The following NLN variants were observed in gnomAD, a reference collection of about 807,000 sequenced individuals.
The protein encoded by NLN is neurolysin, mitochondrial.
A neutral mutation model predicts 79.9 loss-of-function variants in NLN; 64 were observed. That is an observed-to-expected ratio of 0.80 (90% CI 0.65 to 0.99). The LOEUF (loss-of-function observed/expected upper bound fraction) is 0.99. Among genes scored for constraint, NLN ranks in the 50% least tolerant of loss-of-function variants. The probability of loss-of-function intolerance (pLI) is 0.00; values close to 1 mark genes in which losing one functional copy is unlikely to be tolerated. For missense variants in NLN, 835 were observed against 858.7 expected, an observed-to-expected ratio of 0.97 and a Z score of 0.34; for synonymous variants, 267 against 296.6, an observed-to-expected ratio of 0.90 and a Z score of 1.02.
intron 6 of NLN, 118 bp downstream of exon 6, chr5:65,781,539 T>C: frequency 1.4e-6 from 1 of 733,280 alleles, no homozygotes; most frequent in Middle Eastern, 3.9e-4. Context: ...GTGCACTGTA[T>C]CTCTAATTCC....
chr5:65,822,468 A>G (rs1020785010), intron 12 of NLN, among the ~76,000 whole-genome samples: 6 of 152,220 alleles, frequency 3.9e-5, no homozygotes, highest in African/African-American at 1.4e-4. Flanking sequence ...AGCATAGCAA[A>G]TAGGAACCTG....
chr5:65,726,111 CAAAA>C (rs60073030), intron 1 of NLN, among the ~76,000 whole-genome samples: 53 of 120,976 alleles, frequency 4.4e-4, no homozygotes, highest in South Asian at 5.6e-4. Flanking sequence ...GACTCCGTCT[CAAAA>C]AAAAAAAAAA....
In NLN at chr5:65,788,501, T is replaced by A; in HGVS notation, c.1325+17T>A. The stretch of plus-strand genomic sequence containing the variant: ...CTATCCAAGGTACTGAGGATCACGT[T>A]GTTGGAAGGGACCTTAGGGATTCAG... On this transcript the variant is annotated intron_variant, in intron 8 of 12. Transcript: ENST00000380985. The A allele has an allele frequency of 6.2e-7, 1 of 1,605,246 alleles. No individual in the cohort carries two copies. The highest frequency in any genetic ancestry group is 1.1e-5 in the South Asian group (1 of 90,138).
chr5:65,782,348 AGACTTAC>A (rs1324022278), intron 6 of NLN, among the ~76,000 whole-genome samples: 1 of 152,214 alleles, frequency 6.6e-6, no homozygotes, highest in Non-Finnish European at 1.5e-5. Flanking sequence ...TTTGTAGGCC[AGACTTAC>A]GATATCTTTG....
intron 9 of NLN, chr5:65,793,742 A>T (rs1760114480): frequency 1.3e-5 from 2 of 152,212 alleles, no homozygotes; most frequent in Admixed American, 1.3e-4. Context: ...AAAAAACAAC[A>T]ACAACAAAAA....
chr5:65,780,950 G>A (rs1003546426), intron 5 of NLN, among the ~76,000 whole-genome samples: 4 of 152,092 alleles, frequency 2.6e-5, no homozygotes, highest in African/African-American at 7.2e-5. Context: ...GGGATTACAC[G>A]CATGAGCCAC....
intron 3 of NLN, 152 bp downstream of exon 3, chr5:65,763,260 G>C: frequency 1.5e-6 from 1 of 645,496 alleles, no homozygotes; most frequent in Non-Finnish European, 2.6e-6. Flanking sequence ...ATTACATAAT[G>C]TTAATTATAT....
At chr5:65,766,018 C>A (rs989824551) in intron 3 of NLN, among the ~76,000 whole-genome samples, 2 of 152,170 alleles carry the variant, frequency 1.3e-5, no homozygotes, top group African/African-American at 4.8e-5. Context: ...TACCCCAAAC[C>A]TTAGTGGCCT....
At chr5:65,812,854 T>C (rs1385018965) in intron 12 of NLN, among the ~76,000 whole-genome samples, 1 of 152,180 alleles carries the variant, frequency 6.6e-6, no homozygotes. Flanking sequence ...ACCCACTACA[T>C]AGTTTGTGAC....
intron 1 of NLN, among the ~76,000 whole-genome samples, chr5:65,735,215 TA>T (rs144498103): frequency 0.016 from 2,460 of 152,340 alleles, 73 homozygotes; most frequent in African/African-American, 0.056. Flanking sequence ...GCCATGATTC[TA>T]AGTTTCATGA....
At chr5:65,794,762 A>T (rs1282052532) in intron 9 of NLN, among the ~76,000 whole-genome samples, 2 of 152,178 alleles carry the variant, frequency 1.3e-5, no homozygotes, top group Non-Finnish European at 2.9e-5. Flanking sequence ...ACATGTGCAG[A>T]ATCAGTCCTG....
intron 3 of NLN, among the ~76,000 whole-genome samples, chr5:65,774,061 T>G (rs897317950): frequency 1.1e-4 from 16 of 151,730 alleles, no homozygotes; most frequent in African/African-American, 3.6e-4. Flanking sequence ...CAAAGTTTTT[T>G]TTTTTTTTTT....
chr5:65,725,610 G>A (rs1054280146), intron 1 of NLN, among the ~76,000 whole-genome samples: 2 of 152,152 alleles, frequency 1.3e-5, no homozygotes, highest in Non-Finnish European at 2.9e-5. Flanking sequence ...CAAGTATTGG[G>A]AAGCTGTCAA....
Position 65,777,450 on chromosome 5 carries a change from A to G in NLN, c.474A>G (p.Ile158Met). ...HLQETCDLGK[I>M]KPEARRYLEK... ...AGGAAACCTGTGATCTGGGGAAGAT[A>G]AAACCTGAGGCCAGACGATACTTGG... Residue 158 changes from isoleucine (I) to methionine (M), a missense_variant, in exon 4 of 13, where the codon ATA becomes ATG. Coordinates refer to ENST00000380985, the MANE Select transcript of NLN (RefSeq NM_020726.5). 3 of 1,612,686 alleles carry G rather than the reference A, an allele frequency of 1.9e-6. No individual in the cohort carries two copies. In the South Asian group the frequency reaches 3.3e-5, roughly 18 times the overall value.
At chr5:65,753,161 T>C (rs961230647) in intron 1 of NLN, among the ~76,000 whole-genome samples, 1 of 152,166 alleles carries the variant, frequency 6.6e-6, no homozygotes, top group African/African-American at 2.4e-5. Flanking sequence ...AATTACACAA[T>C]GTATACATGT....
rs1254687090 is a variant in NLN at position 65,785,792 on chromosome 5, G to T, written c.840G>T (p.Leu280Phe). The part of the protein sequence containing the change: ...TRCKEENTII[L>F]QQLLPLRTKV... ...ATTACTAGGAAAACACCATAATTTT[G>T]CAGCAGCTACTCCCACTGCGAACCA... The change falls in exon 7 of 13, where the codon TTG (leucine) becomes TTT (phenylalanine). Residue 280 changes from leucine to phenylalanine, a missense_variant. By Grantham distance (22) the Leu-to-Phe change is conservative (BLOSUM62 0). Transcript: ENST00000380985. 1 of 1,613,334 alleles carries T rather than the reference G, an allele frequency of 6.2e-7. No homozygotes were observed. The highest frequency in any genetic ancestry group is 1.1e-5 in the South Asian group (1 of 91,024).
intron 3 of NLN, among the ~76,000 whole-genome samples, chr5:65,774,730 T>TATATA (rs769804353): frequency 0.018 from 2,362 of 130,906 alleles, 57 homozygotes; most frequent in African/African-American, 0.066. Context: ...TATATATATA[T>TATATA]TTTTTTTTTT....
chr5:65,757,624 A>G (rs1171993430), intron 1 of NLN, among the ~76,000 whole-genome samples: 1 of 152,218 alleles, frequency 6.6e-6, no homozygotes, highest in East Asian at 1.9e-4. Context: ...ATGCATATGT[A>G]TATAGACAGA....
At chr5:65,819,166 T>C (rs1760737834) in intron 12 of NLN, among the ~76,000 whole-genome samples, 1 of 152,076 alleles carries the variant, frequency 6.6e-6, no homozygotes, top group Non-Finnish European at 1.5e-5. Context: ...TAGAACTAAT[T>C]TTGAGGAAGT....
Sources: allele counts gnomAD v4.1 joint callset (sites outside exome capture counted in the v4.1 genomes callset), GRCh38; gene constraint gnomAD v4.1.1; transcripts MANE v1.5; gene names NCBI Gene and HGNC (gene_info 2026-07-23, HGNC 2026-07-21).